The following PCM1 variants were observed in gnomAD, a reference collection of about 807,000 sequenced individuals.
PCM1 encodes the protein pericentriolar material 1, also known as pericentriolar material 1 protein.
PCM1 carries 157 observed loss-of-function variants against 241.9 expected under a neutral mutation model. That is an observed-to-expected ratio of 0.65 (90% confidence interval 0.57 to 0.74). The LOEUF (loss-of-function observed/expected upper bound fraction) is 0.74. Ranked by LOEUF, PCM1 falls within the 30% of genes least tolerant of loss-of-function variation. PCM1 has a pLI of 0.00. For missense variants in PCM1, 3,478 were observed against 2,360.1 expected (o/e 1.47, Z -9.81); for synonymous variants, 1,085 against 784.9 (o/e 1.38, Z -6.39).
rs781098205 is a variant in PCM1, at chr8:17,938,919, G to T, written c.522G>T (p.Leu174Phe). The T allele has an allele frequency of 6.2e-7, 1 of 1,613,654 alleles. No homozygotes were observed. ...ETIGSAQCKE[L>F]FASALSNDLL... ...TTGGATCAGCACAGTGTAAAGAGTTGTTTGCTTCTGCTTTAAGTAATGACC... is the reference window on the plus strand; with the variant it reads ...TTGGATCAGCACAGTGTAAAGAGTTTTTTGCTTCTGCTTTAAGTAATGACC... The change falls in exon 5 of 39, where the codon TTG becomes TTT. Residue 174 changes from leucine to phenylalanine, a missense_variant. Leu to Phe is a conservative substitution (Grantham distance 22). Coordinates refer to ENST00000325083, the MANE Select transcript of PCM1 (RefSeq NM_006197.4).
Position 18,029,215 on chromosome 8 carries a change from A to G in PCM1, c.*1553A>G, listed in dbSNP as rs73196067. 6,458 of 194,232 alleles carry G rather than the reference A, an allele frequency of 0.033. 143 individuals are homozygous for G. The highest frequency in any genetic ancestry group is 0.049 in the Non-Finnish European group (4,543 of 92,746). The allele number at this position is 194,232 out of a possible 1,614,324, so 12.0% of individuals were successfully genotyped here. Reference sequence around the variant, plus strand: ...TGCTGTATACCTCAGTGTAATGTCCATTCAAGGAGTATTAAATGAGGATTT... The same window carrying G: ...TGCTGTATACCTCAGTGTAATGTCCGTTCAAGGAGTATTAAATGAGGATTT... On this transcript the variant is annotated 3_prime_UTR_variant, in exon 39 of 39. Coordinates refer to ENST00000325083, the MANE Select transcript of PCM1 (RefSeq NM_006197.4).
chr8:18,024,973 C>G (rs1234697279), intron 36 of PCM1: 1 of 156,504 alleles, frequency 6.4e-6, no homozygotes, highest in African/African-American at 2.4e-5. Flanking sequence ...TTCTAACAGC[C>G]CCATCAGAGT....
At chr8:17,978,911 A>G (rs1031332796) in intron 23 of PCM1, among the ~76,000 whole-genome samples, 1 of 152,224 alleles carries the variant, frequency 6.6e-6, no homozygotes. Context: ...ATCTGTCAAC[A>G]TAATTTATTC....
In PCM1 at chr8:17,957,308, G is replaced by T; in HGVS notation, c.1691G>T (p.Ser564Ile). ...ASTWNEVNSHSNAQCVSNNRD... is the reference protein window; with the variant it reads ...ASTWNEVNSHINAQCVSNNRD... ...ACTTGGAATGAAGTAAATAGTCATA[G>T]TAATGCACAGTGTGTTTCTAATAAT... The change falls in exon 12 of 39, where the codon AGT becomes ATT. Residue 564 changes from serine (S) to isoleucine (I), a missense_variant. Ser to Ile is a moderately radical substitution (Grantham distance 142). Transcript: ENST00000325083. 6.2e-7 allele frequency: 1 copy of T among 1,611,752 alleles called. No homozygotes were observed. Among genetic ancestry groups the T allele is most frequent in the Non-Finnish European group, 8.5e-7 (1 of 1,178,476 alleles).
chr8:17,993,682 A>T (rs2085585772), intron 29 of PCM1, 63 bp downstream of exon 29: 3 of 1,401,542 alleles, frequency 2.1e-6, no homozygotes, highest in Admixed American at 4.4e-5. Context: ...TTCATACAGA[A>T]GACCTTATTG....
intron 23 of PCM1, among the ~76,000 whole-genome samples, chr8:17,975,184 C>T (rs2078302694): frequency 6.6e-6 from 1 of 151,958 alleles, no homozygotes; most frequent in African/African-American, 2.4e-5. Context: ...GTTTTTGTTC[C>T]TTTTGTGCTA....
In PCM1 at chr8:17,943,749, C is replaced by G. The variant is rs139481569; in HGVS notation, c.784-3437C>G. On this transcript the variant is annotated intron_variant, in intron 6 of 38. Transcript: ENST00000325083. ...GGGAAAAAATCTTAATTCTCACCACCTGTGTTTATTTTTTTCTCTACTCTG... is the reference window on the plus strand; with the variant it reads ...GGGAAAAAATCTTAATTCTCACCACGTGTGTTTATTTTTTTCTCTACTCTG... 8.5e-5 allele frequency among the ~76,000 whole-genome samples: 13 copies of G among 152,198 alleles called. 1 individual carries two copies. The highest frequency in any genetic ancestry group is 3.1e-4 in the African/African-American group (13 of 41,524).
chr8:18,011,156 A>T, intron 32 of PCM1, 81 bp from the exon 33 acceptor site: 1 of 859,860 alleles, frequency 1.2e-6, no homozygotes, highest in Non-Finnish European at 1.6e-6. Flanking sequence ...GATAATGATC[A>T]TTATTAATAC....
In PCM1 at chr8:17,967,097, T is replaced by G; in HGVS notation, c.3339T>G (p.Pro1113=). Residue 1113 remains proline (P), a synonymous_variant, in exon 21 of 39, where the codon CCT becomes CCG. Transcript: ENST00000325083. The part of the protein sequence containing the change: ...SHPPSPSLFC[P]FSFPTQPVNL... ...CTCCTTCTCCCAGTTTATTTTGTCC[T>G]TTCAGCTTTCCAACACAGCCTGTAA... The G allele has an allele frequency of 1.2e-6, 2 of 1,607,942 alleles. No homozygotes were observed. Among genetic ancestry groups the G allele is most frequent in the Non-Finnish European group, 8.5e-7 (1 of 1,176,848 alleles).
chr8:17,946,790 C>T (rs2063930386), intron 6 of PCM1, among the ~76,000 whole-genome samples: 1 of 150,866 alleles, frequency 6.6e-6, no homozygotes, highest in African/African-American at 2.4e-5. Context: ...GGTCATTAAC[C>T]CAGTATAATG....
At chr8:17,961,460 G>A (rs1310922537) in intron 15 of PCM1, among the ~76,000 whole-genome samples, 1 of 151,870 alleles carries the variant, frequency 6.6e-6, no homozygotes, top group African/African-American at 2.4e-5. Context: ...ACAGGTGCCC[G>A]CCACCACGCC....
rs758362557 is a variant in PCM1, at chr8:17,963,232, G to A, written c.2595G>A (p.Val865=). 1.2e-6 allele frequency: 2 copies of A among 1,613,612 alleles called. No individual in the cohort carries two copies. The highest frequency in any genetic ancestry group is 3.3e-5 in the Admixed American group (2 of 59,952). ...GLAETASPVA[V]SLRSDGSENL... The stretch of plus-strand genomic sequence containing the variant: ...CTGAAACTGCATCTCCAGTGGCTGT[G>A]TCATTGAGAAGTGATGGATCTGAGA... Residue 865 remains valine (V), a synonymous_variant, in exon 17 of 39, where the codon GTG becomes GTA. Coordinates refer to ENST00000325083, the MANE Select transcript of PCM1 (RefSeq NM_006197.4).
intron 34 of PCM1, among the ~76,000 whole-genome samples, chr8:18,012,804 T>G (rs2092688775): frequency 6.6e-6 from 1 of 152,200 alleles, no homozygotes; most frequent in Admixed American, 6.5e-5. Flanking sequence ...TATCTTTTGG[T>G]TTTACTTTGA....
In PCM1 at chr8:18,028,470, A is replaced by G. The variant is rs1270158054; in HGVS notation, c.*808A>G. ...TTTAAATGAAAAACTTAACTTTTTC[A>G]AGTGGGGATAAATAATACAACTAAA... On this transcript the variant is annotated 3_prime_UTR_variant, in exon 39 of 39. Transcript: ENST00000325083. The G allele has an allele frequency of 5.1e-6, 1 of 194,726 alleles. No homozygotes were observed. The highest frequency in any genetic ancestry group is 2.3e-5 in the African/African-American group (1 of 43,220). 12.1% of individuals were successfully genotyped at this position (194,726 alleles called of 1,614,324 possible). A position where few individuals can be genotyped will look rare whatever the true frequency, so the allele number is the denominator to read the frequency against.
chr8:17,988,300 G>A (rs973727558), intron 26 of PCM1, among the ~76,000 whole-genome samples: 12 of 151,746 alleles, frequency 7.9e-5, no homozygotes, highest in African/African-American at 2.9e-4. Context: ...TTGAAGATAG[G>A]AAACTTTAAA....
intron 36 of PCM1, among the ~76,000 whole-genome samples, chr8:18,017,856 A>T (rs562306147): frequency 3.1e-4 from 47 of 152,076 alleles, no homozygotes; most frequent in African/African-American, 1.1e-3. Flanking sequence ...TCCATCTCAA[A>T]AAAAAAAAGT....
chr8:18,003,290 T>C (rs1234734373), intron 29 of PCM1, among the ~76,000 whole-genome samples: 1 of 152,206 alleles, frequency 6.6e-6, no homozygotes. Context: ...AGTTGAGCTC[T>C]TTAGACGCTC....
chr8:18,010,664 A>G lies in PCM1; in HGVS notation c.5216A>G (p.Asp1739Gly). 1 of 1,598,460 alleles carries G rather than the reference A, an allele frequency of 6.3e-7. No homozygotes were observed. Among genetic ancestry groups the G allele is most frequent in the Non-Finnish European group, 8.5e-7 (1 of 1,172,142 alleles). Residue 1739 changes from aspartate to glycine, a missense_variant, in exon 32 of 39, where the codon GAC (aspartate) becomes GGC (glycine). By Grantham distance (94) the Asp-to-Gly change is moderately conservative (BLOSUM62 -1). Coordinates refer to ENST00000325083, the MANE Select transcript of PCM1 (RefSeq NM_006197.4). ...GSPAGEIDDE[D>G]KDKDETETVK... ...CCTGCTGGAGAGATTGATGATGAAG[A>G]CAAAGTATGTGCTAATTAATTTTTG...
intron 2 of PCM1, chr8:17,926,548 GC>G (rs1450445613): frequency 1.3e-5 from 2 of 152,204 alleles, no homozygotes; most frequent in Non-Finnish European, 2.9e-5. Flanking sequence ...CACAGGCAAT[GC>G]CATTTTATGA....
Sources: allele counts gnomAD v4.1 joint callset (sites outside exome capture counted in the v4.1 genomes callset), GRCh38; gene constraint gnomAD v4.1.1; transcripts MANE v1.5; gene names NCBI Gene and HGNC (gene_info 2026-07-23, HGNC 2026-07-21).